CTCF: variants seen among roughly 807,000 people sequenced by gnomAD.
CTCF encodes the protein transcriptional repressor CTCF.
Under a neutral mutation model 72.3 loss-of-function variants are expected in CTCF, and 7 were observed. That is an observed-to-expected ratio of 0.10 (90% CI 0.06 to 0.18). CTCF has a LOEUF of 0.18. CTCF is among the 10% of genes least tolerant of loss of function. The pLI, the probability that CTCF is intolerant of heterozygous loss-of-function variation, is 1.00. For missense variants in CTCF, 516 were observed against 949.1 expected (o/e 0.54, Z 6.00); for synonymous variants, 374 against 315.8 (o/e 1.18, Z -1.95).
chr16:67,628,307 G>A, intron 8 of CTCF, 63 bp from the exon 9 acceptor site: 1 of 1,509,626 alleles, frequency 6.6e-7, no homozygotes, highest in South Asian at 1.2e-5. Context: ...ATGCATGCAG[G>A]TGGCAGCTGG....
Position 67,612,036 on chromosome 16 carries a change from T to C in CTCF, c.867T>C (p.Thr289=). ...TGGATCGTCACATGAAAAGCCACAC[T>C]GATGAGAGACCACACAAGTGCCATC... ...SNLDRHMKSH[T]DERPHKCHLC... is the part of the protein sequence containing the mutation. The change falls in exon 4 of 12, where the codon ACT becomes ACC. Residue 289 remains threonine, a synonymous_variant. Transcript: ENST00000264010. 1 of 1,614,160 alleles carries C rather than the reference T, an allele frequency of 6.2e-7. No individual in the cohort carries two copies. The highest frequency in any genetic ancestry group is 8.5e-7 in the Non-Finnish European group (1 of 1,180,010).
chr16:67,602,726 A>T (rs1204646330), intron 2 of CTCF, among the ~76,000 whole-genome samples: 1 of 151,788 alleles, frequency 6.6e-6, no homozygotes, highest in African/African-American at 2.4e-5. Flanking sequence ...CTGTAATCCC[A>T]GCTACTCGGG....
At chr16:67,604,332 G>A (rs1346332478) in intron 2 of CTCF, among the ~76,000 whole-genome samples, 1 of 151,802 alleles carries the variant, frequency 6.6e-6, no homozygotes, top group East Asian at 1.9e-4. Context: ...TTTTTTGTTA[G>A]TTTTGTTTTT....
chr16:67,595,681 G>A (rs1184642950), intron 2 of CTCF, among the ~76,000 whole-genome samples: 6 of 152,044 alleles, frequency 3.9e-5, no homozygotes, highest in Admixed American at 2.0e-4. Flanking sequence ...AAACTGCAGC[G>A]AGAAGGTAGC....
chr16:67,593,127 A>G (rs1352100270), intron 2 of CTCF, among the ~76,000 whole-genome samples: 2 of 150,364 alleles, frequency 1.3e-5, no homozygotes, highest in Non-Finnish European at 3.0e-5. Context: ...TTTTTAATAT[A>G]TATTTTATAC....
intron 2 of CTCF, among the ~76,000 whole-genome samples, chr16:67,608,512 A>G (rs939407370): frequency 6.6e-6 from 1 of 152,152 alleles, no homozygotes; most frequent in African/African-American, 2.4e-5. Context: ...TCAAAAAACA[A>G]GGTCAAAAAC....
chr16:67,576,261 A>G (rs2051495006), intron 2 of CTCF, among the ~76,000 whole-genome samples: 1 of 151,986 alleles, frequency 6.6e-6, no homozygotes, highest in African/African-American at 2.4e-5. Flanking sequence ...AGAAAATCCC[A>G]AACTAAAACC....
In CTCF at chr16:67,638,962, AAC is replaced by A; in HGVS notation, c.*1093_*1094del. The A allele has an allele frequency of 4.9e-6, 1 of 204,128 alleles. No homozygotes were observed. Among genetic ancestry groups the A allele is most frequent in the Non-Finnish European group, 1.0e-5 (1 of 99,376 alleles). 12.6% of individuals were successfully genotyped at this position (204,128 alleles called of 1,614,324 possible). A position where few individuals can be genotyped will look rare whatever the true frequency, so the allele number is the denominator to read the frequency against. On this transcript the variant is annotated 3_prime_UTR_variant, in exon 12 of 12. Coordinates refer to ENST00000264010, the MANE Select transcript of CTCF (RefSeq NM_006565.4). The stretch of plus-strand genomic sequence containing the variant: ...GAGAGCCTCAGTCTTACTGATTTCA[AAC>A]ACTTTTTTCTTCTGTGTATTGCTTT...
intron 2 of CTCF, among the ~76,000 whole-genome samples, chr16:67,589,260 G>C (rs2051707307): frequency 6.6e-6 from 1 of 152,058 alleles, no homozygotes; most frequent in Admixed American, 6.6e-5. Context: ...TTACACTACT[G>C]CGCTCACTCC....
chr16:67,610,685 A>G (rs1818135482), intron 2 of CTCF, 139 bp from the exon 3 acceptor site: 2 of 531,638 alleles, frequency 3.8e-6, no homozygotes, highest in Non-Finnish European at 6.0e-6. Flanking sequence ...CAAGAGGCAC[A>G]TGTCTGTTGT....
At chr16:67,630,065 T>G (rs915893364) in intron 10 of CTCF, among the ~76,000 whole-genome samples, 7 of 152,022 alleles carry the variant, frequency 4.6e-5, no homozygotes, top group Admixed American at 6.6e-5. Flanking sequence ...TGTGAGCCAC[T>G]GCGCCCGGCC....
In CTCF at chr16:67,638,616, C is replaced by T. The variant is rs1000287506; in HGVS notation, c.*744C>T. The T allele has an allele frequency of 1.3e-4, 31 of 231,672 alleles. No homozygotes were observed. Among genetic ancestry groups the T allele is most frequent in the Non-Finnish European group, 2.1e-4 (24 of 116,870 alleles). The allele number at this position is 231,672 out of a possible 1,614,324, so 14.4% of individuals were successfully genotyped here. Reference sequence around the variant, plus strand: ...CACCCAGACCACTGCCCACCAGTGACGGACATGCACGTGGCAGATCATGAT... The same window carrying T: ...CACCCAGACCACTGCCCACCAGTGATGGACATGCACGTGGCAGATCATGAT... On this transcript the variant is annotated 3_prime_UTR_variant, in exon 12 of 12. Transcript: ENST00000264010.
chr16:67,633,878 G>T lies in CTCF; in HGVS notation c.1838-2812G>T, dbSNP rs537374644. Among the ~76,000 whole-genome samples the T allele has an allele frequency of 4.6e-5, 7 of 151,940 alleles. No homozygotes were observed. The South Asian group carries it at 1.5e-3, about 32-fold the overall frequency. On this transcript the variant is annotated intron_variant, in intron 10 of 11. Transcript: ENST00000264010. ...AGATGAGCAGAACCACATCTCCAAG[G>T]GTCCATTTCCGGCTTAGTGTCCTGC... is the stretch of plus-strand genomic sequence containing the variant.
At chr16:67,592,955 G>T (rs1192897752) in intron 2 of CTCF, among the ~76,000 whole-genome samples, 1 of 151,564 alleles carries the variant, frequency 6.6e-6, no homozygotes, top group Admixed American at 6.6e-5. Context: ...TGAACCTGGA[G>T]GCAGGGGTTG....
intron 2 of CTCF, among the ~76,000 whole-genome samples, chr16:67,587,508 CAT>C (rs1480151347): frequency 1.3e-5 from 2 of 151,464 alleles, no homozygotes; most frequent in Non-Finnish European, 1.5e-5. Flanking sequence ...TTCACCCTAT[CAT>C]GTGTGCCCAT....
chr16:67,594,307 C>T (rs1172998362), intron 2 of CTCF, among the ~76,000 whole-genome samples: 3 of 151,520 alleles, frequency 2.0e-5, no homozygotes, highest in African/African-American at 7.3e-5. Context: ...TCACTTGAAC[C>T]CAGGATGTCA....
chr16:67,590,999 C>T (rs1176356655), intron 2 of CTCF, among the ~76,000 whole-genome samples: 2 of 140,996 alleles, frequency 1.4e-5, no homozygotes, highest in African/African-American at 5.3e-5. Flanking sequence ...GACTGGGTGG[C>T]TCACACAAAT....
intron 2 of CTCF, among the ~76,000 whole-genome samples, chr16:67,603,956 C>T (rs1361776907): frequency 6.6e-6 from 1 of 150,520 alleles, no homozygotes; most frequent in Non-Finnish European, 1.5e-5. Flanking sequence ...TGGTGAAACC[C>T]CACTTTTACT....
chr16:67,628,587 A>C (rs2052321856), intron 9 of CTCF, 35 bp downstream of exon 9: 1 of 1,600,560 alleles, frequency 6.2e-7, no homozygotes, highest in African/African-American at 1.3e-5. Flanking sequence ...CTGTTATGAT[A>C]CTGAATATTG....
Sources: allele counts gnomAD v4.1 joint callset (sites outside exome capture counted in the v4.1 genomes callset), GRCh38; gene constraint gnomAD v4.1.1; transcripts MANE v1.5; gene names NCBI Gene and HGNC (gene_info 2026-07-23, HGNC 2026-07-21).